ATP6V1B1: variants seen among roughly 807,000 people sequenced by gnomAD.
ATP6V1B1 encodes the protein V-type proton ATPase subunit B, kidney isoform.
In ATP6V1B1, 41 loss-of-function variants were observed where a neutral mutation model predicts 62.1. That is an observed-to-expected ratio of 0.66 (90% CI 0.51 to 0.86). ATP6V1B1 has a LOEUF of 0.86. Among genes scored for constraint, ATP6V1B1 ranks in the 40% least tolerant of loss-of-function variants. The pLI is 0.00. For synonymous variants in ATP6V1B1, 253 were observed against 273.4 expected (o/e 0.93, Z 0.74); for missense variants, 651 against 697.5 (o/e 0.93, Z 0.75).
chr2:70,964,423 T>C lies in ATP6V1B1; in HGVS notation c.1144-15T>C, dbSNP rs1680666613. 1 of 1,613,452 alleles carries C rather than the reference T, an allele frequency of 6.2e-7. No homozygotes were observed. The highest frequency in any genetic ancestry group is 1.3e-5 in the African/African-American group (1 of 74,880). On this transcript the variant is annotated splice_polypyrimidine_tract_variant and intron_variant, in intron 11 of 13. Transcript: ENST00000234396. ...GAGTCCTGCTGTCCACCACTCCCTT[T>C]TTCTTCTCCCTCAGATCTACCCCCC... is the stretch of plus-strand genomic sequence containing the variant.
chr2:70,957,087 C>CTT (rs56407020), intron 2 of ATP6V1B1, among the ~76,000 whole-genome samples: 12 of 125,112 alleles, frequency 9.6e-5, no homozygotes, highest in Non-Finnish European at 1.3e-4. Flanking sequence ...AGTTCTTCTT[C>CTT]TTTTTTTTTT....
chr2:70,941,443 G>C, intron 1 of ATP6V1B1: 1 of 984,894 alleles, frequency 1.0e-6, no homozygotes, highest in Non-Finnish European at 1.2e-6. Context: ...CTCCCTGGGG[G>C]CTGGCACCCC....
Position 70,958,034 on chromosome 2 carries a change from C to T in ATP6V1B1, c.175-12C>T. 6.2e-7 allele frequency: 1 copy of T among 1,612,498 alleles called. No individual in the cohort carries two copies. Among genetic ancestry groups the T allele is most frequent in the Non-Finnish European group, 8.5e-7 (1 of 1,179,232 alleles). On this transcript the variant is annotated splice_polypyrimidine_tract_variant and intron_variant, in intron 2 of 13. Transcript: ENST00000234396. ...GTCTCACTGTCACGTGGCTGCTCTC[C>T]CCTCCTGCCAGTTTGCCCAGTATGC...
At chr2:70,954,910 G>A in intron 2 of ATP6V1B1, among the ~76,000 whole-genome samples, 1 of 152,216 alleles carries the variant, frequency 6.6e-6, no homozygotes, top group East Asian at 1.9e-4. Context: ...AGAAGGTGCA[G>A]GTATGGGGCT....
In ATP6V1B1 at chr2:70,936,054, A is replaced by G. The variant is rs1553415291; in HGVS notation, c.100A>G (p.Ile34Val). Residue 34 changes from isoleucine to valine, a missense_variant, in exon 1 of 14, where the codon ATC becomes GTC. Ile to Val is a conservative substitution (Grantham distance 29, BLOSUM62 3). Transcript: ENST00000234396. ...EHMQAVTRNY[I>V]THPRVTYRTV... ...CATGCAGGCGGTCACCCGAAACTAC[A>G]TCACCCACCCCCGTGTCAGTGAGTA... 1.2e-6 allele frequency: 2 copies of G among 1,613,838 alleles called. No homozygotes were observed. The highest frequency in any genetic ancestry group is 8.5e-7 in the Non-Finnish European group (1 of 1,179,894).
rs562228361 is a variant in ATP6V1B1, at chr2:70,956,286, C to T, written c.175-1760C>T. On this transcript the variant is annotated intron_variant, in intron 2 of 13. Transcript: ENST00000234396. ...TTCCCAAGGAACTTGAGAAGTTTTT[C>T]ATTAGCCCCACAGCCACCATAGCCG... The T allele has an allele frequency of 2.8e-5, 5 of 175,962 alleles. No homozygotes were observed. The East Asian group carries it at 9.0e-4, about 32-fold the overall frequency. 10.9% of individuals were successfully genotyped at this position (175,962 alleles called of 1,614,324 possible). A position where few individuals can be genotyped will look rare whatever the true frequency, so the allele number is the denominator to read the frequency against.
intron 8 of ATP6V1B1, 80 bp from the exon 9 acceptor site, chr2:70,962,697 C>T: frequency 6.3e-7 from 1 of 1,595,664 alleles, no homozygotes; most frequent in Non-Finnish European, 8.5e-7. Flanking sequence ...CTTCCCAGTT[C>T]ACCTTGCGCT....
At chr2:70,945,024 C>T (rs549250100) in intron 2 of ATP6V1B1, among the ~76,000 whole-genome samples, 1 of 152,294 alleles carries the variant, frequency 6.6e-6, no homozygotes, top group East Asian at 1.9e-4. Flanking sequence ...TCTCATCACT[C>T]TCCCTTCCCT....
intron 2 of ATP6V1B1, among the ~76,000 whole-genome samples, chr2:70,945,701 G>GAGATATATATATAT (rs1553417203): frequency 4.5e-4 from 37 of 82,992 alleles, no homozygotes; most frequent in African/African-American, 1.6e-3. Flanking sequence ...TATTTGAAGA[G>GAGATATATATATAT]ATATATATAT....
chr2:70,941,138 G>C, intron 1 of ATP6V1B1: 1 of 561,880 alleles, frequency 1.8e-6, no homozygotes, highest in Non-Finnish European at 2.3e-6. Flanking sequence ...GGCTGGTCTC[G>C]AACTCCTGGG....
In ATP6V1B1 at chr2:70,961,923, T is replaced by G. The variant is rs1680597237; in HGVS notation, c.785+230T>G. The stretch of plus-strand genomic sequence containing the variant: ...TGTCTGCTGCCTGTGCCCTCTGCTC[T>G]TCCCACAACCCATGTCCAGCCACCA... On this transcript the variant is annotated intron_variant, in intron 8 of 13. Transcript: ENST00000234396. 3 of 580,684 alleles carry G rather than the reference T, an allele frequency of 5.2e-6. No individual in the cohort carries two copies. In the Admixed American group the frequency reaches 8.1e-5, roughly 16 times the overall value. The allele number at this position is 580,684 out of a possible 1,614,324, so 36.0% of individuals were successfully genotyped here.
Position 70,963,587 on chromosome 2 carries a change from T to A in ATP6V1B1, c.1076T>A (p.Ile359Asn), listed in dbSNP as rs1249938424. The A allele has an allele frequency of 6.2e-7, 1 of 1,614,062 alleles. No homozygotes were observed. Among genetic ancestry groups the A allele is most frequent in the Non-Finnish European group, 8.5e-7 (1 of 1,179,992 alleles). ...TTTCTTGTAGATATCACCCACCCTA[T>A]CCCAGACTTGACGGGCTTCATCACA... is the stretch of plus-strand genomic sequence containing the variant. ...TMPNDDITHP[I>N]PDLTGFITEG... Residue 359 changes from isoleucine to asparagine, a missense_variant, in exon 11 of 14, where the codon ATC (isoleucine) becomes AAC (asparagine). Physicochemically the swap from Ile to Asn is moderately radical, Grantham distance 149. Coordinates refer to ENST00000234396, the MANE Select transcript of ATP6V1B1 (RefSeq NM_001692.4). This position sits in a 1 kb window ranked among gnomAD's most constrained non-coding sequence, Gnocchi z 4.3.
chr2:70,959,252 G>A lies in ATP6V1B1; in HGVS notation c.445+157G>A, dbSNP rs17006573. Reference sequence around the variant, plus strand: ...TCTTCCACTGAACCCCAACACTGCCGTCAGCACTCCATGTCCATCCCCTGT... The same window carrying A: ...TCTTCCACTGAACCCCAACACTGCCATCAGCACTCCATGTCCATCCCCTGT... On this transcript the variant is annotated intron_variant, in intron 5 of 13. Transcript: ENST00000234396. This position sits in a 1 kb window ranked among gnomAD's most constrained non-coding sequence, Gnocchi z 4.2. Among the ~76,000 whole-genome samples, 60,824 of 152,034 alleles carry A rather than the reference G, an allele frequency of 0.4. 13,760 individuals carry two copies. Among genetic ancestry groups the A allele is most frequent in the East Asian group, 0.65 (3,344 of 5,156 alleles).
chr2:70,943,943 C>A (rs1347205255), intron 2 of ATP6V1B1: 1 of 936,920 alleles, frequency 1.1e-6, no homozygotes, highest in Admixed American at 6.2e-5. Context: ...CCCATGGAGG[C>A]CCAGCCCTGG....
rs551316530 is a variant in ATP6V1B1, at chr2:70,946,885, GT to G, written c.174+3176del. ...CCAGAACTAGGTCCCCAGACCTGTGGTTTTGCGACTATCGGATGCATCTGTA... is the reference window on the plus strand; with the variant it reads ...CCAGAACTAGGTCCCCAGACCTGTGGTTTGCGACTATCGGATGCATCTGTA... On this transcript the variant is annotated intron_variant, in intron 2 of 13. Coordinates refer to ENST00000234396, the MANE Select transcript of ATP6V1B1 (RefSeq NM_001692.4). Among the ~76,000 whole-genome samples the G allele has an allele frequency of 6.6e-3, 1,010 of 152,306 alleles. 7 individuals are homozygous for G. The highest frequency in any genetic ancestry group is 0.01 in the Non-Finnish European group (699 of 68,016).
chr2:70,952,931 G>C (rs1358035248), intron 2 of ATP6V1B1, among the ~76,000 whole-genome samples: 1 of 152,140 alleles, frequency 6.6e-6, no homozygotes, highest in Admixed American at 6.6e-5. Flanking sequence ...AATGCTTTAT[G>C]CATCGTATCA....
At chr2:70,961,829 T>A in intron 8 of ATP6V1B1, 136 bp downstream of exon 8, 1 of 867,692 alleles carries the variant, frequency 1.2e-6, no homozygotes, top group East Asian at 2.6e-5. Context: ...CCTCATTGTG[T>A]AGATAGGGAA....
At chr2:70,942,094 G>C in intron 1 of ATP6V1B1, 2 of 1,067,218 alleles carry the variant, frequency 1.9e-6, no homozygotes, top group Middle Eastern at 3.5e-4. Flanking sequence ...GACAGAGAGA[G>C]AGGCAAGGAG....
Position 70,963,462 on chromosome 2 carries a change from G to GC in ATP6V1B1, c.1061-104dup. 3 of 1,523,426 alleles carry GC rather than the reference G, an allele frequency of 2.0e-6. No individual in the cohort carries two copies. Among genetic ancestry groups the GC allele is most frequent in the Non-Finnish European group, 1.8e-6 (2 of 1,102,908 alleles). 94.4% of individuals were successfully genotyped at this position (1,523,426 alleles called of 1,614,324 possible). On this transcript the variant is annotated intron_variant, in intron 10 of 13. Coordinates refer to ENST00000234396, the MANE Select transcript of ATP6V1B1 (RefSeq NM_001692.4). This position sits in a 1 kb window ranked among gnomAD's most constrained non-coding sequence, Gnocchi z 4.3. ...CACTGCCCTTTCCTCCACCATCCAT[G>GC]CCCCCCACACATCCCTATCACTCCC...
Sources: gnomAD v4.1 joint callset for allele counts (sites outside exome capture counted in the v4.1 genomes callset) on GRCh38, gnomAD v4.1.1 for gene constraint, Gnocchi (gnomAD v3.1) non-coding constraint, MANE v1.5 for transcripts, NCBI Gene and HGNC (gene_info 2026-07-23, HGNC 2026-07-21) for gene names.